MCPH1: variants seen among roughly 807,000 people sequenced by gnomAD.
MCPH1 encodes the protein microcephalin 1, also known as microcephalin.
A neutral mutation model predicts 84.5 loss-of-function variants in MCPH1; 104 were observed. The ratio of observed to expected loss-of-function variants is 1.23; its 90% CI spans 1.05 to 1.45. MCPH1 has a LOEUF of 1.45. Among genes scored for constraint, MCPH1 ranks in the 40% most tolerant of loss-of-function variants. MCPH1 has a pLI of 0.00. For missense variants in MCPH1, 1,498 were observed against 1,005.7 expected, an observed-to-expected ratio of 1.49 and a Z score of -6.62; for synonymous variants, 514 against 366.8, an observed-to-expected ratio of 1.40 and a Z score of -4.58.
intron 12 of MCPH1, among the ~76,000 whole-genome samples, chr8:6,607,863 G>T (rs754155898): frequency 2.6e-5 from 4 of 152,226 alleles, no homozygotes; most frequent in Admixed American, 6.5e-5. Flanking sequence ...AAAGTATCCA[G>T]TCTTGGGTAT....
chr8:6,496,310 G>C (rs1811219451), intron 11 of MCPH1, among the ~76,000 whole-genome samples: 1 of 152,132 alleles, frequency 6.6e-6, no homozygotes, highest in South Asian at 2.1e-4. Flanking sequence ...CTGCTGATCT[G>C]ACAGGAGGTG....
chr8:6,608,028 T>C (rs1022215074), intron 12 of MCPH1, among the ~76,000 whole-genome samples: 8 of 151,416 alleles, frequency 5.3e-5, no homozygotes, highest in Admixed American at 2.6e-4. Context: ...CCCCAGGAGG[T>C]GAGGATTGGC....
chr8:6,475,567 A>C lies in MCPH1; in HGVS notation c.1936-2027A>C, dbSNP rs911610493. 2.0e-5 allele frequency among the ~76,000 whole-genome samples: 3 copies of C among 152,336 alleles called. No individual in the cohort carries two copies. In the South Asian group the frequency reaches 6.2e-4, roughly 32 times the overall value. On this transcript the variant is annotated intron_variant, in intron 9 of 13. Transcript: ENST00000344683. ...TCAGCACACCAACACGATAGGAAAT[A>C]AGTTCCAAGATTTATTACTTCCAGA...
At chr8:6,615,668 T>C (rs1446339723) in intron 12 of MCPH1, 2 of 152,232 alleles carry the variant, frequency 1.3e-5, no homozygotes, top group Non-Finnish European at 2.9e-5. Context: ...CTTTTTTGTA[T>C]ACAATTCTAT....
chr8:6,614,733 G>T (rs1256229285), intron 12 of MCPH1, among the ~76,000 whole-genome samples: 1 of 152,204 alleles, frequency 6.6e-6, no homozygotes, highest in Non-Finnish European at 1.5e-5. Flanking sequence ...AACCTCGACA[G>T]CTGAGCTTTC....
chr8:6,448,301 A>G (rs1183735841), intron 8 of MCPH1, among the ~76,000 whole-genome samples: 1 of 152,204 alleles, frequency 6.6e-6, no homozygotes, highest in African/African-American at 2.4e-5. Context: ...GCTGGAGGTA[A>G]CAGCAGGAAC....
At chr8:6,614,580 G>A (rs556133035) in intron 12 of MCPH1, among the ~76,000 whole-genome samples, 253 of 152,280 alleles carry the variant, frequency 1.7e-3, no homozygotes, top group Non-Finnish European at 2.6e-3. Flanking sequence ...AAACACACAC[G>A]TCCGTTGGCC....
In MCPH1 at chr8:6,489,943, G is replaced by A. The variant is rs529222431; in HGVS notation, c.2136+9067G>A. ...GGATAAGGCTAAAAACCAACAAGTC[G>A]AGAGGGTACTTGTTGCCACCCATCC... On this transcript the variant is annotated intron_variant, in intron 11 of 13. Transcript: ENST00000344683. Among the ~76,000 whole-genome samples the A allele has an allele frequency of 1.8e-4, 27 of 152,312 alleles. No individual in the cohort carries two copies. In the South Asian group the frequency reaches 5.6e-3, roughly 32 times the overall value.
At chr8:6,624,745 G>A in intron 13 of MCPH1, 5 of 897,514 alleles carry the variant, frequency 5.6e-6, no homozygotes, top group Non-Finnish European at 6.7e-6. Context: ...TACAAATAAA[G>A]GAAGGTTTAT....
At chr8:6,513,832 G>T (rs776258713) in intron 12 of MCPH1, 1 of 1,605,496 alleles carries the variant, frequency 6.2e-7, no homozygotes. Flanking sequence ...TCTCCTGAAG[G>T]GTTACCAAAT....
chr8:6,506,028 C>A (rs61619167), intron 12 of MCPH1, among the ~76,000 whole-genome samples: 1 of 124,372 alleles, frequency 8.0e-6, no homozygotes, highest in African/African-American at 3.4e-5. Context: ...TATATAAAAA[C>A]ATATATATAT....
At position 6,445,287 on chromosome 8, in the gene MCPH1, GA is replaced by G; in HGVS notation, c.1568del (p.Asn523MetfsTer20). The G allele has an allele frequency of 6.2e-7, 1 of 1,614,224 alleles. No homozygotes were observed. Among genetic ancestry groups the G allele is most frequent in the Non-Finnish European group, 8.5e-7 (1 of 1,180,040 alleles). On this transcript the variant is annotated frameshift_variant, in exon 8 of 14. Transcript: ENST00000344683. LOFTEE classifies it high-confidence loss of function. ...QAGKEDACPEGNGFSYTIEDP... is the reference protein window; with the variant it reads ...QAGKEDACPEXNGFSYTIEDP... ...GGGAAAGAAGACGCATGCCCAGAGG[GA>G]AATGGCTTTTCTTACACCATTGAGG... is the stretch of plus-strand genomic sequence containing the variant.
chr8:6,601,528 C>CACACAA (rs1389474512), intron 12 of MCPH1, among the ~76,000 whole-genome samples: 3 of 137,658 alleles, frequency 2.2e-5, no homozygotes, highest in Non-Finnish European at 3.2e-5. Context: ...ATGGGACACA[C>CACACAA]ACACACACAC....
At chr8:6,460,243 C>T (rs544227495) in intron 9 of MCPH1, among the ~76,000 whole-genome samples, 6 of 152,138 alleles carry the variant, frequency 3.9e-5, no homozygotes, top group African/African-American at 1.4e-4. Context: ...CTTGTATCTC[C>T]TTATTTCATT....
chr8:6,510,985 C>T (rs908340884), intron 12 of MCPH1, among the ~76,000 whole-genome samples: 18 of 152,210 alleles, frequency 1.2e-4, no homozygotes, highest in Admixed American at 7.9e-4. Context: ...GATTTTGAAA[C>T]ACTGTACTTT....
At chr8:6,567,253 A>G (rs994346833) in intron 12 of MCPH1, among the ~76,000 whole-genome samples, 2 of 145,136 alleles carry the variant, frequency 1.4e-5, no homozygotes, top group Non-Finnish European at 3.0e-5. Flanking sequence ...TAGAGCATGC[A>G]GTGCGGTGAC....
chr8:6,567,805 A>T (rs954643296), intron 12 of MCPH1, among the ~76,000 whole-genome samples: 1 of 152,094 alleles, frequency 6.6e-6, no homozygotes, highest in Non-Finnish European at 1.5e-5. Flanking sequence ...TCCAGAGAAA[A>T]TCTTGGGTGT....
Position 6,477,646 on chromosome 8 carries a change from T to C in MCPH1, c.1973+15T>C. 1 of 1,608,626 alleles carries C rather than the reference T, an allele frequency of 6.2e-7. No homozygotes were observed. The highest frequency in any genetic ancestry group is 1.1e-5 in the South Asian group (1 of 90,966). ...ATGCCATCTGAGTAAGTACTTGTTT[T>C]GATTTCTGTTCAATGTAAAATGTTA... On this transcript the variant is annotated intron_variant, in intron 10 of 13. Transcript: ENST00000344683.
chr8:6,545,271 A>G (rs537208555), intron 12 of MCPH1, among the ~76,000 whole-genome samples: 1 of 152,350 alleles, frequency 6.6e-6, no homozygotes, highest in East Asian at 1.9e-4. Flanking sequence ...TGCTGGTTAC[A>G]TGAGTGAATC....
Sources: allele counts gnomAD v4.1 joint callset (sites outside exome capture counted in the v4.1 genomes callset), GRCh38; gene constraint gnomAD v4.1.1; transcripts MANE v1.5; gene names NCBI Gene and HGNC (gene_info 2026-07-23, HGNC 2026-07-21).